The following LRBA variants were observed in gnomAD, a reference collection of about 807,000 sequenced individuals.
The protein encoded by LRBA is lipopolysaccharide-responsive and beige-like anchor protein.
A neutral mutation model predicts 330.0 loss-of-function variants in LRBA; 176 were observed. The ratio of observed to expected loss-of-function variants is 0.53; its 90% CI spans 0.47 to 0.60. The LOEUF (loss-of-function observed/expected upper bound fraction) is 0.60, where lower values mean the gene tolerates loss of function less well. Among genes scored for constraint, LRBA ranks in the 20% least tolerant of loss-of-function variants. LRBA has a pLI of 0.00. For missense variants in LRBA, 3,259 were observed against 3,444.8 expected (o/e 0.95, Z 1.35); for synonymous variants, 1,230 against 1,193.0 (o/e 1.03, Z -0.64).
intron 35 of LRBA, among the ~76,000 whole-genome samples, chr4:150,759,937 A>G (rs565296657): frequency 6.6e-6 from 1 of 152,316 alleles, no homozygotes; most frequent in East Asian, 1.9e-4. Flanking sequence ...ATTAAATGTA[A>G]CAATAACATA....
chr4:150,731,097 T>C (rs1344519084), intron 36 of LRBA, among the ~76,000 whole-genome samples: 1 of 152,150 alleles, frequency 6.6e-6, no homozygotes, highest in Non-Finnish European at 1.5e-5. Flanking sequence ...TGAGATATCA[T>C]CTCACTCGAG....
chr4:150,632,967 C>T (rs1361830131), intron 37 of LRBA, among the ~76,000 whole-genome samples: 1 of 152,160 alleles, frequency 6.6e-6, no homozygotes, highest in East Asian at 1.9e-4. Flanking sequence ...ATTCTCTCAT[C>T]CTATGATCTC....
intron 17 of LRBA, among the ~76,000 whole-genome samples, chr4:150,885,159 T>C (rs1430481659): frequency 2.8e-5 from 4 of 142,254 alleles, no homozygotes; most frequent in African/African-American, 1.1e-4. Flanking sequence ...TTAGACACTG[T>C]AGGACAATAC....
chr4:150,812,482 A>G (rs1199026728), intron 31 of LRBA, among the ~76,000 whole-genome samples: 1 of 152,194 alleles, frequency 6.6e-6, no homozygotes, highest in Non-Finnish European at 1.5e-5. Flanking sequence ...ACAAATGCCA[A>G]TTTTTAACCC....
At position 150,435,593 on chromosome 4, in the gene LRBA, A is replaced by C; in HGVS notation, c.7037T>G (p.Ile2346Ser). The C allele has an allele frequency of 6.2e-7, 1 of 1,606,938 alleles. No homozygotes were observed. The highest frequency in any genetic ancestry group is 8.5e-7 in the Non-Finnish European group (1 of 1,178,218). Residue 2346 changes from isoleucine to serine, a missense_variant, in exon 46 of 57, where the codon ATT becomes AGT. Coordinates refer to ENST00000651943, the MANE Select transcript of LRBA (RefSeq NM_001364905.1). The part of the protein sequence containing the change: ...WRNSQRDTSD[I>S]KELIPEFYYL... ...TAAAACAAAACATTTCTGTACCTTA[A>C]TATCAGAGGTATCACGCTGACTGTT...
intron 2 of LRBA, among the ~76,000 whole-genome samples, chr4:150,930,312 C>CT (rs1734355431): frequency 4.0e-5 from 2 of 50,034 alleles, no homozygotes; most frequent in Admixed American, 6.4e-4. Flanking sequence ...GAGACTCCGT[C>CT]TCAAAAAAAA....
chr4:150,640,159 AATTT>A (rs1488732649), intron 37 of LRBA, among the ~76,000 whole-genome samples: 1 of 151,804 alleles, frequency 6.6e-6, no homozygotes, highest in Non-Finnish European at 1.5e-5. Flanking sequence ...GCCCGGCCCC[AATTT>A]ATTTTTAATT....
chr4:150,422,841 CTGAACTCCA>C (rs1749014165), intron 46 of LRBA: 3 of 1,406,510 alleles, frequency 2.1e-6, no homozygotes, highest in Non-Finnish European at 3.0e-6. Flanking sequence ...CCAGGCTGTA[CTGAACTCCA>C]CCACGTGATC....
chr4:150,989,397 G>A (rs556540526), intron 2 of LRBA, among the ~76,000 whole-genome samples: 7 of 152,002 alleles, frequency 4.6e-5, no homozygotes, highest in Non-Finnish European at 8.8e-5. Context: ...GGCAGATCAC[G>A]AGGTCAGGTG....
intron 26 of LRBA, among the ~76,000 whole-genome samples, chr4:150,847,099 A>T (rs1262051490): frequency 6.6e-6 from 1 of 152,200 alleles, no homozygotes; most frequent in Non-Finnish European, 1.5e-5. Flanking sequence ...CAATAGAAAG[A>T]GTAGGAGCAC....
chr4:150,993,469 C>A (rs1229653337), intron 2 of LRBA, among the ~76,000 whole-genome samples: 1 of 152,156 alleles, frequency 6.6e-6, no homozygotes, highest in African/African-American at 2.4e-5. Context: ...CGTTGGGAGG[C>A]CAAGGCAGGT....
chr4:150,282,474 C>A lies in LRBA; in HGVS notation c.8292G>T (p.Thr2764=). Residue 2764 remains threonine, a synonymous_variant, in exon 55 of 57, where the codon ACG becomes ACT. Transcript: ENST00000651943. ...TFSVNGKLQA[T]METDDNIRAI... ...CTCTTATGTTATCATCTGTTTCCAT[C>A]GTGGCCTGGAGTTTTCCATTCACAC... 1 of 1,614,090 alleles carries A rather than the reference C, an allele frequency of 6.2e-7. No homozygotes were observed. The highest frequency in any genetic ancestry group is 8.5e-7 in the Non-Finnish European group (1 of 1,179,978).
At chr4:150,584,122 T>A in intron 40 of LRBA, 1 of 1,508,244 alleles carries the variant, frequency 6.6e-7, no homozygotes, top group Non-Finnish European at 8.9e-7. Flanking sequence ...TGCTGGGGAC[T>A]GCTTGAAAAG....
rs145809894 is a variant in LRBA, at chr4:150,921,342, A to T, written c.550-49T>A. 5.1e-3 allele frequency: 5,484 copies of T among 1,070,558 alleles called. 89 individuals are homozygous for T. The highest frequency in any genetic ancestry group is 0.035 in the Admixed American group (1,989 of 56,458). The allele number at this position is 1,070,558 out of a possible 1,614,324, so 66.3% of individuals were successfully genotyped here. ...TTAACCACATTATTTACCATAAGAT[A>T]AAAAAAACACATCTTTAATATAGTC... On this transcript the variant is annotated intron_variant, in intron 4 of 56. Coordinates refer to ENST00000651943, the MANE Select transcript of LRBA (RefSeq NM_001364905.1).
intron 35 of LRBA, among the ~76,000 whole-genome samples, chr4:150,742,468 A>G (rs1374680160): frequency 6.6e-6 from 1 of 152,100 alleles, no homozygotes; most frequent in Non-Finnish European, 1.5e-5. Flanking sequence ...TTTTAAATTT[A>G]TATAACAAAA....
chr4:150,828,922 G>GGGGTGTGT (rs1491558415), intron 29 of LRBA, among the ~76,000 whole-genome samples: 7 of 106,176 alleles, frequency 6.6e-5, no homozygotes, highest in Admixed American at 1.8e-4. Context: ...CTTTTTTGGG[G>GGGGTGTGT]GTGTGTGTGT....
At chr4:150,563,696 C>G (rs758484037) in intron 40 of LRBA, among the ~76,000 whole-genome samples, 1 of 152,114 alleles carries the variant, frequency 6.6e-6, no homozygotes, top group African/African-American at 2.4e-5. Flanking sequence ...TCTCAGGATA[C>G]GAAATCAATG....
At chr4:150,754,521 CAA>C (rs755838647) in intron 35 of LRBA, among the ~76,000 whole-genome samples, 1 of 86,058 alleles carries the variant, frequency 1.2e-5, no homozygotes, top group African/African-American at 5.1e-5. Context: ...CCTGTCTCAC[CAA>C]AAAAAAAAAA....
chr4:150,832,107 A>C (rs1296055624), intron 28 of LRBA, 131 bp from the exon 29 acceptor site: 1 of 446,386 alleles, frequency 2.2e-6, no homozygotes, highest in East Asian at 3.7e-5. Flanking sequence ...TTACCTACGT[A>C]AATAATAAAT....
Sources: gnomAD v4.1 joint callset for allele counts (sites outside exome capture counted in the v4.1 genomes callset) on GRCh38, gnomAD v4.1.1 for gene constraint, MANE v1.5 for transcripts, NCBI Gene and HGNC (gene_info 2026-07-23, HGNC 2026-07-21) for gene names.